Variants in PTPRR observed in about 807,000 individuals in gnomAD.
PTPRR encodes protein tyrosine phosphatase receptor type R, also known as receptor-type tyrosine-protein phosphatase R.
PTPRR carries 38 observed loss-of-function variants against 77.2 expected under a neutral mutation model. The observed-to-expected ratio is 0.49, with a 90% CI of 0.38 to 0.65. The LOEUF (loss-of-function observed/expected upper bound fraction) is 0.65, where lower values mean the gene tolerates loss of function less well. PTPRR is among the 30% of genes least tolerant of loss of function. The pLI, the probability that PTPRR is intolerant of heterozygous loss-of-function variation, is 0.00. For synonymous variants in PTPRR, 299 were observed against 283.1 expected (o/e 1.06, Z -0.57); for missense variants, 744 against 799.2 (o/e 0.93, Z 0.83).
At chr12:70,731,108 A>G (rs901513203) in intron 6 of PTPRR, among the ~76,000 whole-genome samples, 8 of 140,100 alleles carry the variant, frequency 5.7e-5, no homozygotes, top group African/African-American at 2.5e-4. Flanking sequence ...GAGAGAGAGG[A>G]AGGAAGGAGG....
chr12:70,649,050 T>G (rs1294570649), intron 13 of PTPRR, among the ~76,000 whole-genome samples: 1 of 152,186 alleles, frequency 6.6e-6, no homozygotes, highest in East Asian at 1.9e-4. Context: ...AATGGTTTTG[T>G]CATTGTTATA....
chr12:70,704,227 G>A (rs1323995876), intron 6 of PTPRR, among the ~76,000 whole-genome samples: 1 of 151,874 alleles, frequency 6.6e-6, no homozygotes, highest in Non-Finnish European at 1.5e-5. Flanking sequence ...TTTGAGACTG[G>A]CTTGGGCAAC....
intron 1 of PTPRR, among the ~76,000 whole-genome samples, chr12:70,901,305 T>C (rs181042812): frequency 3.3e-4 from 50 of 151,636 alleles, no homozygotes; most frequent in South Asian, 8.3e-4. Context: ...CCTGCACTCC[T>C]ACGTTCACTG....
intron 10 of PTPRR, chr12:70,672,439 G>T: frequency 9.2e-7 from 1 of 1,086,298 alleles, no homozygotes; most frequent in South Asian, 1.3e-5. Flanking sequence ...GCACATCAAG[G>T]CCACAGATGC....
At chr12:70,648,708 C>A (rs772093157) in intron 13 of PTPRR, among the ~76,000 whole-genome samples, 4 of 152,066 alleles carry the variant, frequency 2.6e-5, no homozygotes, top group Non-Finnish European at 5.9e-5. Flanking sequence ...AGATGTCCGG[C>A]ACCTCATTCT....
chr12:70,868,398 AAAG>A (rs982495145), intron 2 of PTPRR, among the ~76,000 whole-genome samples: 3 of 152,110 alleles, frequency 2.0e-5, no homozygotes, highest in Non-Finnish European at 2.9e-5. Flanking sequence ...ACACTTCTGA[AAAG>A]AAGACATTTA....
intron 2 of PTPRR, among the ~76,000 whole-genome samples, chr12:70,842,187 C>T (rs865963745): frequency 6.6e-6 from 1 of 152,050 alleles, no homozygotes; most frequent in African/African-American, 2.4e-5. Flanking sequence ...TTACCTTTTC[C>T]CTATAATTCT....
intron 8 of PTPRR, among the ~76,000 whole-genome samples, chr12:70,692,530 C>T (rs1888090549): frequency 6.6e-6 from 1 of 152,118 alleles, no homozygotes; most frequent in Non-Finnish European, 1.5e-5. Flanking sequence ...GGGTACTTAG[C>T]AAGATAGAGC....
At chr12:70,856,882 G>GTACTCTATATGCCTA (rs1027009065) in intron 2 of PTPRR, among the ~76,000 whole-genome samples, 1 of 151,682 alleles carries the variant, frequency 6.6e-6, no homozygotes, top group African/African-American at 2.4e-5. Flanking sequence ...CTGTCACTTG[G>GTACTCTATATGCCTA]TACTCTATAT....
At chr12:70,790,082 C>G (rs1056587414) in intron 2 of PTPRR, among the ~76,000 whole-genome samples, 1 of 152,124 alleles carries the variant, frequency 6.6e-6, no homozygotes, top group African/African-American at 2.4e-5. Context: ...ACCCTTTCTA[C>G]TAGATTTTTC....
chr12:70,706,156 A>T (rs954090), intron 6 of PTPRR, among the ~76,000 whole-genome samples: 1 of 151,900 alleles, frequency 6.6e-6, no homozygotes, highest in Non-Finnish European at 1.5e-5. Context: ...GCAACTCCCA[A>T]TTCTATGACT....
At chr12:70,912,651 G>C (rs1273774278) in intron 1 of PTPRR, among the ~76,000 whole-genome samples, 4 of 152,086 alleles carry the variant, frequency 2.6e-5, no homozygotes, top group Admixed American at 6.5e-5. Flanking sequence ...AAAATCAAAT[G>C]AGATTTGATT....
intron 2 of PTPRR, among the ~76,000 whole-genome samples, chr12:70,821,717 A>G (rs1294141651): frequency 2.0e-5 from 3 of 151,946 alleles, no homozygotes; most frequent in African/African-American, 4.8e-5. Context: ...GCTGGAGTGC[A>G]GTGGAACGAT....
chr12:70,825,902 CCTG>C (rs1317684777), intron 2 of PTPRR, among the ~76,000 whole-genome samples: 8 of 152,310 alleles, frequency 5.3e-5, no homozygotes, highest in Admixed American at 2.6e-4. Flanking sequence ...TTGTAGCAAT[CCTG>C]CTGTTTTTGG....
At chr12:70,653,952 A>G (rs1886485686) in intron 13 of PTPRR, among the ~76,000 whole-genome samples, 1 of 152,216 alleles carries the variant, frequency 6.6e-6, no homozygotes. Context: ...AGTAGAAAAC[A>G]AACAGGGAAG....
intron 8 of PTPRR, among the ~76,000 whole-genome samples, chr12:70,686,846 C>G (rs1887888894): frequency 6.6e-6 from 1 of 152,170 alleles, no homozygotes; most frequent in African/African-American, 2.4e-5. Context: ...AACTAAGCCA[C>G]TCCCCAATTC....
intron 2 of PTPRR, among the ~76,000 whole-genome samples, chr12:70,856,802 AAG>A (rs141467738): frequency 1.2e-3 from 179 of 143,756 alleles, no homozygotes; most frequent in East Asian, 1.9e-3. Flanking sequence ...GGGAGGCAGG[AAG>A]AGAGAGAGAG....
chr12:70,774,294 G>GC (rs942509084), intron 2 of PTPRR, among the ~76,000 whole-genome samples: 13 of 152,170 alleles, frequency 8.5e-5, no homozygotes, highest in African/African-American at 3.1e-4. Context: ...GAACCCACAA[G>GC]CCCCCTCAAG....
At chr12:70,816,092 A>G (rs578092748) in intron 2 of PTPRR, among the ~76,000 whole-genome samples, 2 of 152,282 alleles carry the variant, frequency 1.3e-5, no homozygotes, top group South Asian at 4.1e-4. Flanking sequence ...CGGTAAAAAT[A>G]GTTTTCCATT....
Sources: allele counts gnomAD v4.1 joint callset (sites outside exome capture counted in the v4.1 genomes callset), GRCh38; gene constraint gnomAD v4.1.1; transcripts MANE v1.5; gene names NCBI Gene and HGNC (gene_info 2026-07-23, HGNC 2026-07-21).